Variants in SH3PXD2A observed in about 807,000 individuals in gnomAD.
The protein encoded by SH3PXD2A is SH3 and PX domain-containing protein 2A.
A neutral mutation model predicts 115.2 loss-of-function variants in SH3PXD2A; 32 were observed. The ratio of observed to expected loss-of-function variants is 0.28; its 90% CI spans 0.21 to 0.37. SH3PXD2A has a LOEUF of 0.37. Ranked by LOEUF, SH3PXD2A falls within the 10% of genes least tolerant of loss-of-function variation. SH3PXD2A has a pLI of 1.00. For missense variants in SH3PXD2A, 1,328 were observed against 1,498.7 expected, an observed-to-expected ratio of 0.89 and a Z score of 1.88; for synonymous variants, 610 against 629.1, an observed-to-expected ratio of 0.97 and a Z score of 0.45.
chr10:103,704,941 A>G (rs1271581565), intron 5 of SH3PXD2A, among the ~76,000 whole-genome samples: 1 of 152,124 alleles, frequency 6.6e-6, no homozygotes, highest in Non-Finnish European at 1.5e-5. Flanking sequence ...GGGCTTTTGC[A>G]AAGAGGCCTC....
chr10:103,778,132 A>G (rs1024180584), intron 2 of SH3PXD2A, among the ~76,000 whole-genome samples: 1 of 152,130 alleles, frequency 6.6e-6, no homozygotes, highest in Non-Finnish European at 1.5e-5. Flanking sequence ...GATCGAGACC[A>G]TCCTGGCTAA....
At chr10:103,644,136 A>C (rs1354205899) in intron 8 of SH3PXD2A, among the ~76,000 whole-genome samples, 2 of 140,506 alleles carry the variant, frequency 1.4e-5, no homozygotes, top group Non-Finnish European at 3.2e-5. Context: ...AAAAAAAAAA[A>C]AAAGAATCTG....
chr10:103,649,311 C>T (rs74958754), intron 8 of SH3PXD2A, among the ~76,000 whole-genome samples: 1 of 152,220 alleles, frequency 6.6e-6, no homozygotes, highest in Non-Finnish European at 1.5e-5. Flanking sequence ...AAAGCCGGTG[C>T]TCAGAGAGGT....
intron 7 of SH3PXD2A, among the ~76,000 whole-genome samples, chr10:103,664,156 C>T (rs113028153): frequency 5.3e-5 from 8 of 152,322 alleles, no homozygotes; most frequent in African/African-American, 1.9e-4. Flanking sequence ...TAAGCGCACC[C>T]GGCACAAAAA....
At chr10:103,721,699 G>C (rs1225714902) in intron 5 of SH3PXD2A, among the ~76,000 whole-genome samples, 2 of 152,204 alleles carry the variant, frequency 1.3e-5, no homozygotes, top group Non-Finnish European at 2.9e-5. Context: ...CAGAAAATGA[G>C]AGGCTTGGAG....
intron 2 of SH3PXD2A, among the ~76,000 whole-genome samples, chr10:103,778,788 C>T (rs2038905165): frequency 6.6e-6 from 1 of 152,330 alleles, no homozygotes; most frequent in Middle Eastern, 3.4e-3. Flanking sequence ...CCCTAACTTC[C>T]AACAGCTGTA....
chr10:103,778,225 C>T (rs772728709), intron 2 of SH3PXD2A, among the ~76,000 whole-genome samples: 4 of 152,074 alleles, frequency 2.6e-5, no homozygotes, highest in Non-Finnish European at 4.4e-5. Context: ...CCCAGCTACT[C>T]GGGAGGCTGA....
intron 6 of SH3PXD2A, among the ~76,000 whole-genome samples, chr10:103,674,169 T>C (rs1342477180): frequency 6.6e-6 from 1 of 152,236 alleles, no homozygotes; most frequent in Non-Finnish European, 1.5e-5. Context: ...TTTTCCTTTC[T>C]GGTTAGGAAA....
chr10:103,616,631 C>T (rs3824781), intron 11 of SH3PXD2A, among the ~76,000 whole-genome samples: 13,793 of 152,250 alleles, frequency 0.091, 724 homozygotes, highest in East Asian at 0.21. Flanking sequence ...TGGCCTGAGC[C>T]GAGGCCTGAC....
At chr10:103,821,392 G>A (rs1314449859) in intron 1 of SH3PXD2A, among the ~76,000 whole-genome samples, 1 of 152,110 alleles carries the variant, frequency 6.6e-6, no homozygotes, top group Admixed American at 6.5e-5. Flanking sequence ...GCCTTCCAAA[G>A]TGCTGCGATT....
rs116694580 is a variant in SH3PXD2A at position 103,737,018 on chromosome 10, G to A, written c.230-1210C>T. On this transcript the variant is annotated intron_variant, in intron 3 of 14. Transcript: ENST00000369774. ...GACTGCTTTTTCCCACGGTTGCTAA[G>A]CTGGCAGGATGAAAGCCTGGCACCT... Among the ~76,000 whole-genome samples, 991 of 152,342 alleles carry A rather than the reference G, an allele frequency of 6.5e-3. 10 individuals are homozygous for A. The highest frequency in any genetic ancestry group is 0.023 in the African/African-American group (954 of 41,580).
chr10:103,840,113 T>C (rs1325867834), intron 1 of SH3PXD2A, among the ~76,000 whole-genome samples: 2 of 152,236 alleles, frequency 1.3e-5, no homozygotes, highest in Non-Finnish European at 2.9e-5. Flanking sequence ...CTGTTTATTT[T>C]GGGGCCAGGG....
At chr10:103,604,765 T>C (rs1323704024) in intron 14 of SH3PXD2A, among the ~76,000 whole-genome samples, 1 of 152,220 alleles carries the variant, frequency 6.6e-6, no homozygotes, top group African/African-American at 2.4e-5. Flanking sequence ...GCCCCAGCCC[T>C]GTACCTACAG....
rs944431914 is a variant in SH3PXD2A at position 103,594,340 on chromosome 10, A to C, written c.*7476T>G. ...TGATTCTGGAAATATTTCAGCACTCAAATCGACTGCACTGAGTTTAATGTC... is the reference window on the plus strand; with the variant it reads ...TGATTCTGGAAATATTTCAGCACTCCAATCGACTGCACTGAGTTTAATGTC... On this transcript the variant is annotated 3_prime_UTR_variant, in exon 15 of 15. Transcript: ENST00000369774. 1 of 152,668 alleles carries C rather than the reference A, an allele frequency of 6.6e-6. No individual in the cohort carries two copies. Among genetic ancestry groups the C allele is most frequent in the Admixed American group, 6.5e-5 (1 of 15,282 alleles). 9.5% of individuals were successfully genotyped at this position (152,668 alleles called of 1,614,324 possible).
chr10:103,748,845 C>A (rs909139541), intron 3 of SH3PXD2A, among the ~76,000 whole-genome samples: 7 of 152,116 alleles, frequency 4.6e-5, no homozygotes, highest in African/African-American at 1.7e-4. Flanking sequence ...ACTACAGTTG[C>A]ATATTCAGAA....
At chr10:103,785,299 A>C (rs113801422) in intron 2 of SH3PXD2A, among the ~76,000 whole-genome samples, 6 of 152,220 alleles carry the variant, frequency 3.9e-5, no homozygotes, top group African/African-American at 1.4e-4. Flanking sequence ...AACAGCTAGC[A>C]TGGGGGTGGG....
chr10:103,776,038 G>C (rs1321198422), intron 2 of SH3PXD2A, among the ~76,000 whole-genome samples: 1 of 152,110 alleles, frequency 6.6e-6, no homozygotes, highest in East Asian at 1.9e-4. Context: ...GCCTTTTTTA[G>C]CTTCAAGAGG....
intron 3 of SH3PXD2A, among the ~76,000 whole-genome samples, chr10:103,744,204 A>G (rs1257593170): frequency 2.9e-5 from 4 of 137,942 alleles, no homozygotes; most frequent in African/African-American, 8.4e-5. Context: ...CCCAGGCTGG[A>G]GTGCAATGGC....
chr10:103,706,687 G>A (rs946825479), intron 5 of SH3PXD2A, among the ~76,000 whole-genome samples: 4 of 152,102 alleles, frequency 2.6e-5, no homozygotes, highest in African/African-American at 9.7e-5. Context: ...CAGGGCTGCC[G>A]GATGGTCTCA....
Sources: allele counts gnomAD v4.1 joint callset (sites outside exome capture counted in the v4.1 genomes callset), GRCh38; gene constraint gnomAD v4.1.1; transcripts MANE v1.5; gene names NCBI Gene and HGNC (gene_info 2026-07-23, HGNC 2026-07-21).